Variants in LHFPL3 observed in about 807,000 individuals in gnomAD.
LHFPL3 encodes the protein LHFPL tetraspan subfamily member 3.
In LHFPL3, 5 loss-of-function variants were observed where a neutral mutation model predicts 19.3. The observed-to-expected ratio is 0.26, with a 90% CI of 0.14 to 0.54. LHFPL3 has a LOEUF of 0.54. Ranked by LOEUF, LHFPL3 falls within the 20% of genes least tolerant of loss-of-function variation. The pLI is 0.94. For synonymous variants in LHFPL3, 133 were observed against 126.2 expected (o/e 1.05, Z -0.36); for missense variants, 249 against 307.4 (o/e 0.81, Z 1.42).
intron 1 of LHFPL3, among the ~76,000 whole-genome samples, chr7:104,442,750 T>G (rs556871816): frequency 6.6e-6 from 1 of 152,330 alleles, no homozygotes; most frequent in East Asian, 1.9e-4. Context: ...TTGTGCCTTT[T>G]TAAAGTGTCT....
At chr7:104,364,394 GAC>G (rs143182510) in intron 1 of LHFPL3, among the ~76,000 whole-genome samples, 1 of 151,974 alleles carries the variant, frequency 6.6e-6, no homozygotes, top group Non-Finnish European at 1.5e-5. Context: ...ATTAACCATT[GAC>G]ACACACACAC....
At chr7:104,576,216 AGG>A (rs1283735255) in intron 1 of LHFPL3, among the ~76,000 whole-genome samples, 2 of 152,230 alleles carry the variant, frequency 1.3e-5, no homozygotes, top group Admixed American at 6.5e-5. Context: ...CAGGAAAACC[AGG>A]AGACCATAGG....
chr7:104,864,082 G>C (rs1791668682), intron 2 of LHFPL3, among the ~76,000 whole-genome samples: 1 of 152,172 alleles, frequency 6.6e-6, no homozygotes, highest in South Asian at 2.1e-4. Flanking sequence ...TTGGTTGATT[G>C]TAAACTTCAA....
chr7:104,852,959 C>G (rs1453203951), intron 2 of LHFPL3, among the ~76,000 whole-genome samples: 1 of 152,152 alleles, frequency 6.6e-6, no homozygotes, highest in African/African-American at 2.4e-5. Context: ...CTGTGCCTGC[C>G]CAGTAACCAC....
chr7:104,647,063 G>A (rs536860413), intron 1 of LHFPL3, among the ~76,000 whole-genome samples: 3 of 152,294 alleles, frequency 2.0e-5, no homozygotes, highest in Middle Eastern at 3.4e-3. Context: ...GATACCCCAG[G>A]ACAGTCTGGA....
chr7:104,500,571 C>T (rs1323785833), intron 1 of LHFPL3, among the ~76,000 whole-genome samples: 1 of 152,172 alleles, frequency 6.6e-6, no homozygotes, highest in Admixed American at 6.5e-5. Context: ...CCACTCATCT[C>T]CTCTCTCCCA....
chr7:104,626,203 C>A (rs1420526903), intron 1 of LHFPL3, among the ~76,000 whole-genome samples: 1 of 152,278 alleles, frequency 6.6e-6, no homozygotes, highest in Admixed American at 6.5e-5. Flanking sequence ...TACAAGATTG[C>A]CTTCCAGAGA....
At chr7:104,440,065 A>G (rs760914314) in intron 1 of LHFPL3, among the ~76,000 whole-genome samples, 13 of 151,122 alleles carry the variant, frequency 8.6e-5, no homozygotes, top group Non-Finnish European at 1.5e-4. Flanking sequence ...ATTAGGAGAT[A>G]TACCCAATGC....
rs568270295 is a variant in LHFPL3, at chr7:104,865,276, C to T, written c.683-40911C>T. Among the ~76,000 whole-genome samples the T allele has an allele frequency of 3.1e-3, 471 of 152,136 alleles. 1 individual carries two copies. The highest frequency in any genetic ancestry group is 0.017 in the Middle Eastern group (5 of 294). On this transcript the variant is annotated intron_variant, in intron 2 of 2. Coordinates refer to ENST00000424859, the MANE Select transcript of LHFPL3 (RefSeq NM_199000.3). ...AAGGCTTCAGACGATCAAACTACTC[C>T]GAGCTAAAGGAGGAAGTTTGAACCC...
intron 1 of LHFPL3, among the ~76,000 whole-genome samples, chr7:104,349,653 A>T (rs955673832): frequency 6.6e-6 from 1 of 152,248 alleles, no homozygotes; most frequent in Non-Finnish European, 1.5e-5. Context: ...TCAAACCACC[A>T]TAGCACGTGT....
intron 1 of LHFPL3, among the ~76,000 whole-genome samples, chr7:104,461,204 C>T (rs1792655955): frequency 6.6e-6 from 1 of 152,166 alleles, no homozygotes; most frequent in Admixed American, 6.5e-5. Context: ...CCGTATAAAA[C>T]CATCAGATCT....
chr7:104,606,959 C>CA (rs893933799), intron 1 of LHFPL3, among the ~76,000 whole-genome samples: 651 of 149,700 alleles, frequency 4.3e-3, no homozygotes, highest in African/African-American at 0.014. Context: ...CAAAACAAAA[C>CA]AAAAAAAAAC....
chr7:104,573,085 C>A (rs1480830809), intron 1 of LHFPL3, among the ~76,000 whole-genome samples: 1 of 152,008 alleles, frequency 6.6e-6, no homozygotes, highest in African/African-American at 2.4e-5. Flanking sequence ...TCCTTTCAAT[C>A]GATTCATTTG....
intron 1 of LHFPL3, among the ~76,000 whole-genome samples, chr7:104,514,091 C>T (rs1793874204): frequency 6.6e-6 from 1 of 152,148 alleles, no homozygotes; most frequent in African/African-American, 2.4e-5. Context: ...TCCTGCCTCC[C>T]TGGCCGTTTT....
chr7:104,845,873 C>T (rs1413862880), intron 2 of LHFPL3, among the ~76,000 whole-genome samples: 1 of 152,222 alleles, frequency 6.6e-6, no homozygotes, highest in Non-Finnish European at 1.5e-5. Flanking sequence ...TGGTGGATTA[C>T]GGCTGTGGGC....
At chr7:104,698,420 C>T (rs193032194) in intron 1 of LHFPL3, among the ~76,000 whole-genome samples, 41 of 152,162 alleles carry the variant, frequency 2.7e-4, no homozygotes, top group Admixed American at 2.4e-3. Flanking sequence ...AGTTTAAAAT[C>T]CTATAAGGAA....
chr7:104,643,539 C>T (rs1791874857), intron 1 of LHFPL3, among the ~76,000 whole-genome samples: 1 of 152,056 alleles, frequency 6.6e-6, no homozygotes, highest in African/African-American at 2.4e-5. Flanking sequence ...CTTGCAATCT[C>T]CAGGGTAAAA....
intron 1 of LHFPL3, chr7:104,669,232 T>C (rs1358717896): frequency 2.5e-6 from 4 of 1,613,728 alleles, no homozygotes; most frequent in African/African-American, 1.3e-5. Flanking sequence ...ATCTCAGAGC[T>C]CAGACACAGA....
chr7:104,580,581 G>A (rs976100240), intron 1 of LHFPL3, among the ~76,000 whole-genome samples: 2 of 152,028 alleles, frequency 1.3e-5, no homozygotes, highest in Non-Finnish European at 1.5e-5. Context: ...ATAATGTAAT[G>A]CATAAAGTTA....
Sources: allele counts gnomAD v4.1 joint callset (sites outside exome capture counted in the v4.1 genomes callset), GRCh38; gene constraint gnomAD v4.1.1; transcripts MANE v1.5; gene names NCBI Gene and HGNC (gene_info 2026-07-23, HGNC 2026-07-21).